Variants in COL4A6 observed in about 807,000 individuals in gnomAD.
COL4A6 encodes collagen type IV alpha 6 chain.
In COL4A6, 59 loss-of-function variants were observed where a neutral mutation model predicts 126.7. That is an observed-to-expected ratio of 0.47 (90% CI 0.38 to 0.58). COL4A6 has a LOEUF of 0.58. Ranked by LOEUF, COL4A6 falls within the 20% of genes least tolerant of loss-of-function variation. The pLI is 0.00. For missense variants in COL4A6, 1,285 were observed against 1,337.3 expected, an observed-to-expected ratio of 0.96 and a Z score of 0.61; for synonymous variants, 547 against 496.6, an observed-to-expected ratio of 1.10 and a Z score of -1.35.
At chrX:108,166,470 C>T (rs1198670450) in intron 37 of COL4A6, among the ~76,000 whole-genome samples, 3 of 111,619 alleles carry the variant, frequency 2.7e-5, no homozygotes, top group Non-Finnish European at 5.6e-5. Flanking sequence ...TTTTTGTTTG[C>T]GACAAGAAAA....
chrX:108,249,068 G>C (rs1207593315), intron 3 of COL4A6, among the ~76,000 whole-genome samples: 1 of 109,907 alleles, frequency 9.1e-6, no homozygotes, highest in Non-Finnish European at 1.9e-5. Context: ...ATGGTAAGTT[G>C]TGTAATTATT....
rs1009664877 is a variant in COL4A6 at position 108,311,523 on chromosome X, C to G, written c.64-695G>C. ...TCATCTCCTTTCTCTCTGGCTCACT[C>G]TGCTTCAGTCACACAGGAGGGCGTT... On this transcript the variant is annotated intron_variant, in intron 2 of 44. Coordinates refer to ENST00000334504, the MANE Select transcript of COL4A6 (RefSeq NM_033641.4). Among the ~76,000 whole-genome samples, 6 of 111,516 alleles carry G rather than the reference C, an allele frequency of 5.4e-5. No individual in the cohort carries two copies. The Admixed American group carries it at 5.7e-4, about 11-fold the overall frequency.
intron 2 of COL4A6, among the ~76,000 whole-genome samples, chrX:108,416,910 A>G (rs1211737171): frequency 8.9e-6 from 1 of 111,997 alleles, no homozygotes; most frequent in African/African-American, 3.2e-5. Context: ...TCAAGATTCA[A>G]TATAACAATA....
intron 3 of COL4A6, among the ~76,000 whole-genome samples, chrX:108,279,893 T>A (rs1209119111): frequency 4.5e-5 from 5 of 111,139 alleles, no homozygotes; most frequent in Admixed American, 9.5e-5. Flanking sequence ...CTGAATGACT[T>A]CTGGGTACAC....
intron 8 of COL4A6, chrX:108,206,830 A>C: frequency 4.4e-6 from 2 of 454,579 alleles, no homozygotes; most frequent in Non-Finnish European, 4.0e-6. Context: ...TAATCTCAAA[A>C]TCACTGTGTT....
intron 3 of COL4A6, among the ~76,000 whole-genome samples, chrX:108,270,446 A>C (rs2037417975): frequency 8.9e-6 from 1 of 112,586 alleles, no homozygotes; most frequent in African/African-American, 3.2e-5. Context: ...GAATCTGCCC[A>C]GGCAAGCCCA....
At chrX:108,202,142 C>T (rs924427333) in intron 13 of COL4A6, among the ~76,000 whole-genome samples, 1 of 111,629 alleles carries the variant, frequency 9.0e-6, no homozygotes, top group African/African-American at 3.3e-5. Flanking sequence ...TCAGCTCATA[C>T]ATCACTTCCT....
intron 28 of COL4A6, 109 bp from the exon 29 acceptor site, chrX:108,175,906 G>A (rs1017319385): frequency 4.8e-6 from 3 of 624,501 alleles, no homozygotes; most frequent in Non-Finnish European, 7.4e-6. Flanking sequence ...GGAAGTTGCA[G>A]AGAAGGAATT....
At chrX:108,174,364 G>A (rs1188431332) in intron 31 of COL4A6, 76 bp downstream of exon 31, 2 of 1,014,929 alleles carry the variant, frequency 2.0e-6, no homozygotes, top group African/African-American at 1.9e-5. Flanking sequence ...GGATCAGAGA[G>A]GTGGGCAGTG....
At chrX:108,265,633 AGT>A (rs1211970612) in intron 3 of COL4A6, among the ~76,000 whole-genome samples, 1 of 110,698 alleles carries the variant, frequency 9.0e-6, no homozygotes, top group Non-Finnish European at 1.9e-5. Context: ...TAGAGGTGGG[AGT>A]GGACAAAGAA....
intron 37 of COL4A6, 112 bp from the exon 38 acceptor site, chrX:108,165,598 G>C: frequency 2.1e-6 from 1 of 474,169 alleles, no homozygotes; most frequent in Non-Finnish European, 3.4e-6. Flanking sequence ...AGTTAGGTAG[G>C]AGCCAGACCA....
At chrX:108,325,335 A>G (rs901894816) in intron 2 of COL4A6, among the ~76,000 whole-genome samples, 1 of 112,062 alleles carries the variant, frequency 8.9e-6, no homozygotes, top group Admixed American at 9.5e-5. Flanking sequence ...ACTAATTTTT[A>G]AAAGCCCTTC....
At position 108,156,343 on chromosome X, in the gene COL4A6, A is replaced by AT. The variant is rs2033737636; in HGVS notation, c.*656dup. 2 of 111,985 alleles carry AT rather than the reference A, an allele frequency of 1.8e-5. No homozygotes were observed. The highest frequency in any genetic ancestry group is 6.5e-5 in the African/African-American group (2 of 30,706). The allele number at this position is 111,985 out of a possible 1,213,427, so 9.2% of individuals were successfully genotyped here. On this transcript the variant is annotated 3_prime_UTR_variant, in exon 45 of 45. Transcript: ENST00000334504. ...GAGGAGATGGTTTGTCTAGGACCAT[A>AT]TGCCATTAATGACCACCACCCCCAA... is the stretch of plus-strand genomic sequence containing the variant.
chrX:108,184,261 TAGAG>T (rs1015718548), intron 23 of COL4A6, among the ~76,000 whole-genome samples: 1 of 112,489 alleles, frequency 8.9e-6, no homozygotes, highest in African/African-American at 3.2e-5. Context: ...TTGTTTGTCA[TAGAG>T]AGAAAAAGAA....
At chrX:108,338,631 G>A (rs1440508597) in intron 2 of COL4A6, among the ~76,000 whole-genome samples, 1 of 111,620 alleles carries the variant, frequency 9.0e-6, no homozygotes, top group African/African-American at 3.3e-5. Context: ...CAGGTAGAAT[G>A]GTTTGTTCGC....
Position 108,383,575 on chromosome X carries a change from G to A in COL4A6, c.63+54367C>T, listed in dbSNP as rs760015388. 16 of 479,063 alleles carry A rather than the reference G, an allele frequency of 3.3e-5. No homozygotes were observed. In the East Asian group the frequency reaches 4.1e-4, roughly 12 times the overall value. The allele number at this position is 479,063 out of a possible 1,213,427, so 39.5% of individuals were successfully genotyped here. ...AGAGATGTAACTCTGCAACGAATGCGAGGCGAATAGCTGTTTCCCTTGTCC... is the reference window on the plus strand; with the variant it reads ...AGAGATGTAACTCTGCAACGAATGCAAGGCGAATAGCTGTTTCCCTTGTCC... On this transcript the variant is annotated intron_variant, in intron 2 of 44. Coordinates refer to ENST00000334504, the MANE Select transcript of COL4A6 (RefSeq NM_033641.4).
At chrX:108,422,140 C>G (rs745792087) in intron 2 of COL4A6, among the ~76,000 whole-genome samples, 23 of 111,513 alleles carry the variant, frequency 2.1e-4, no homozygotes, top group Non-Finnish European at 4.1e-4. Flanking sequence ...CTTAGGAAGG[C>G]TGAGATGGGA....
chrX:108,406,317 T>G (rs1365529347), intron 2 of COL4A6, among the ~76,000 whole-genome samples: 1 of 111,938 alleles, frequency 8.9e-6, no homozygotes, highest in African/African-American at 3.2e-5. Context: ...TCGCCCTTCC[T>G]CCTGACCTTA....
intron 6 of COL4A6, among the ~76,000 whole-genome samples, chrX:108,212,214 C>G (rs1020821644): frequency 3.7e-5 from 3 of 81,163 alleles, no homozygotes; most frequent in Non-Finnish European, 7.3e-5. Flanking sequence ...TTCTTTCTTT[C>G]TTTTTATTTT....
Sources: allele counts gnomAD v4.1 joint callset (sites outside exome capture counted in the v4.1 genomes callset), GRCh38; gene constraint gnomAD v4.1.1; transcripts MANE v1.5; gene names NCBI Gene and HGNC (gene_info 2026-07-23, HGNC 2026-07-21).